Variants in PRKN observed in about 807,000 individuals in gnomAD.
The protein encoded by PRKN is parkin RBR E3 ubiquitin protein ligase.
Under a neutral mutation model 59.5 loss-of-function variants are expected in PRKN, and 56 were observed. The observed-to-expected ratio is 0.94, with a 90% CI of 0.76 to 1.18. The LOEUF (loss-of-function observed/expected upper bound fraction) is 1.18. Ranked by LOEUF, PRKN falls within the 50% of genes most tolerant of loss-of-function variation. The pLI is 0.00. For synonymous variants in PRKN, 250 were observed against 222.1 expected, an observed-to-expected ratio of 1.13 and a Z score of -1.12; for missense variants, 657 against 596.4, an observed-to-expected ratio of 1.10 and a Z score of -1.06.
intron 9 of PRKN, among the ~76,000 whole-genome samples, chr6:161,521,225 AAC>A (rs1325051393): frequency 6.6e-6 from 1 of 152,194 alleles, no homozygotes; most frequent in African/African-American, 2.4e-5. Flanking sequence ...GAGAGTGACA[AAC>A]AGTGACCATA....
intron 7 of PRKN, among the ~76,000 whole-genome samples, chr6:161,778,526 G>A (rs561707320): frequency 2.0e-5 from 3 of 152,236 alleles, no homozygotes; most frequent in Non-Finnish European, 2.9e-5. Flanking sequence ...TAGTCCCCAC[G>A]GGGGCTCAAA....
intron 7 of PRKN, among the ~76,000 whole-genome samples, chr6:161,653,942 A>G (rs9458325): frequency 0.093 from 14,120 of 152,012 alleles, 2,273 homozygotes; most frequent in African/African-American, 0.33. Flanking sequence ...ACAAAACAGA[A>G]CTCTATTAAA....
chr6:162,465,303 T>G (rs1392494715), intron 1 of PRKN, among the ~76,000 whole-genome samples: 1 of 152,224 alleles, frequency 6.6e-6, no homozygotes, highest in Non-Finnish European at 1.5e-5. Context: ...GTTTATAATA[T>G]TACCCTTTAT....
chr6:161,981,783 A>T (rs946837434), intron 5 of PRKN, among the ~76,000 whole-genome samples: 1 of 152,216 alleles, frequency 6.6e-6, no homozygotes, highest in Non-Finnish European at 1.5e-5. Flanking sequence ...ACTTTGTTAA[A>T]TTAACAATGC....
At chr6:161,994,591 T>C (rs2128259937) in intron 5 of PRKN, among the ~76,000 whole-genome samples, 1 of 151,768 alleles carries the variant, frequency 6.6e-6, no homozygotes, top group African/African-American at 2.4e-5. Flanking sequence ...ACCAAAAAAC[T>C]CTTAGAACTA....
intron 1 of PRKN, among the ~76,000 whole-genome samples, chr6:162,596,971 A>G (rs1414796352): frequency 2.6e-5 from 4 of 151,976 alleles, no homozygotes; most frequent in Admixed American, 2.6e-4. Flanking sequence ...CGGGTTTCAG[A>G]CACACGTGAC....
chr6:161,595,252 G>A (rs1407553117), intron 7 of PRKN, among the ~76,000 whole-genome samples: 3 of 152,092 alleles, frequency 2.0e-5, no homozygotes, highest in Non-Finnish European at 4.4e-5. Context: ...AAGTTGAGAG[G>A]GAAGTTTTTC....
chr6:162,607,700 G>A (rs1781980503), intron 1 of PRKN, among the ~76,000 whole-genome samples: 1 of 152,272 alleles, frequency 6.6e-6, no homozygotes, highest in African/African-American at 2.4e-5. Context: ...CAAAGCACCA[G>A]TGGGAGATTT....
At chr6:161,358,137 G>C (rs1362840629) in intron 11 of PRKN, among the ~76,000 whole-genome samples, 8 of 152,140 alleles carry the variant, frequency 5.3e-5, no homozygotes, top group Non-Finnish European at 8.8e-5. Context: ...GGGGGTGTGG[G>C]TGTGTTTGCC....
intron 6 of PRKN, among the ~76,000 whole-genome samples, chr6:161,809,554 G>C (rs915035327): frequency 6.6e-6 from 1 of 152,152 alleles, no homozygotes; most frequent in African/African-American, 2.4e-5. Flanking sequence ...GTCCTGCGTA[G>C]CGAACTTTTT....
At chr6:162,286,712 G>A (rs962072776) in intron 2 of PRKN, among the ~76,000 whole-genome samples, 1 of 152,210 alleles carries the variant, frequency 6.6e-6, no homozygotes, top group Non-Finnish European at 1.5e-5. Context: ...ACCTAGCAGT[G>A]AGGGTTGTTT....
chr6:162,273,191 A>G (rs1297830796), intron 2 of PRKN, among the ~76,000 whole-genome samples: 1 of 152,090 alleles, frequency 6.6e-6, no homozygotes, highest in African/African-American at 2.4e-5. Flanking sequence ...AAGGAAACGT[A>G]GAAAGGAAAA....
intron 6 of PRKN, among the ~76,000 whole-genome samples, chr6:161,878,182 C>G (rs1794805872): frequency 6.6e-6 from 1 of 152,072 alleles, no homozygotes; most frequent in South Asian, 2.1e-4. Context: ...CTGATTACAA[C>G]CGATGAGTTG....
chr6:161,594,761 A>G (rs1211198470), intron 7 of PRKN, among the ~76,000 whole-genome samples: 1 of 152,178 alleles, frequency 6.6e-6, no homozygotes, highest in Non-Finnish European at 1.5e-5. Context: ...TGGTTTTTTT[A>G]TATTTGAAAA....
At chr6:161,669,747 G>A (rs1784843954) in intron 7 of PRKN, among the ~76,000 whole-genome samples, 2 of 152,238 alleles carry the variant, frequency 1.3e-5, no homozygotes, top group Admixed American at 1.3e-4. Context: ...CTGACTGTGG[G>A]ATGATCACTG....
intron 2 of PRKN, among the ~76,000 whole-genome samples, chr6:162,415,828 C>T (rs1052757097): frequency 6.6e-6 from 1 of 152,048 alleles, no homozygotes; most frequent in South Asian, 2.1e-4. Flanking sequence ...AAAGTTAAGA[C>T]AACCTCAAAT....
Position 162,129,579 on chromosome 6 carries a change from C to T in PRKN, c.534+71552G>A, listed in dbSNP as rs530078697. ...AATAAGAAAAACTTGGAACGTTCCT[C>T]AATGTACCAAACAGAGTGTGAATAT... On this transcript the variant is annotated intron_variant, in intron 4 of 11. Transcript: ENST00000366898. 3.9e-5 allele frequency among the ~76,000 whole-genome samples: 6 copies of T among 152,154 alleles called. No individual in the cohort carries two copies. In the South Asian group the frequency reaches 1.2e-3, roughly 32 times the overall value.
intron 6 of PRKN, among the ~76,000 whole-genome samples, chr6:161,892,662 G>T (rs1044781594): frequency 6.6e-6 from 1 of 152,158 alleles, no homozygotes; most frequent in South Asian, 2.1e-4. Flanking sequence ...TCTCCTGAGC[G>T]CATGAGTTAG....
intron 1 of PRKN, among the ~76,000 whole-genome samples, chr6:162,700,863 T>G (rs1394255337): frequency 6.6e-6 from 1 of 152,112 alleles, no homozygotes; most frequent in Non-Finnish European, 1.5e-5. Flanking sequence ...AAGATCCAAT[T>G]CAAGGCCTGT....
Sources: gnomAD v4.1 joint callset for allele counts (sites outside exome capture counted in the v4.1 genomes callset) on GRCh38, gnomAD v4.1.1 for gene constraint, MANE v1.5 for transcripts, NCBI Gene and HGNC (gene_info 2026-07-23, HGNC 2026-07-21) for gene names.